The following EYS variants were observed in gnomAD, a reference collection of about 807,000 sequenced individuals.
EYS encodes protein eyes shut homolog.
EYS carries 250 observed loss-of-function variants against 282.1 expected under a neutral mutation model. The ratio of observed to expected loss-of-function variants is 0.89; its 90% CI spans 0.80 to 0.98. EYS has a LOEUF of 0.98. Among genes scored for constraint, EYS ranks in the 50% least tolerant of loss-of-function variants. The probability of loss-of-function intolerance (pLI) is 0.00; values close to 1 mark genes in which losing one functional copy is unlikely to be tolerated. For synonymous variants in EYS, 1,355 were observed against 1,282.9 expected, an observed-to-expected ratio of 1.06 and a Z score of -1.20; for missense variants, 4,016 against 3,709.0, an observed-to-expected ratio of 1.08 and a Z score of -2.15.
At chr6:65,139,591 A>G (rs1391964002) in intron 12 of EYS, among the ~76,000 whole-genome samples, 1 of 152,064 alleles carries the variant, frequency 6.6e-6, no homozygotes, top group Non-Finnish European at 1.5e-5. Flanking sequence ...TAAAATAAAC[A>G]TTTAAACAAA....
chr6:63,779,862 A>G (rs993404898), intron 39 of EYS, among the ~76,000 whole-genome samples: 2 of 151,480 alleles, frequency 1.3e-5, no homozygotes, highest in African/African-American at 4.9e-5. Flanking sequence ...CTCGTCATTT[A>G]CATTAGGTAT....
chr6:65,012,554 ACT>A (rs1771907157), intron 13 of EYS, among the ~76,000 whole-genome samples: 1 of 152,140 alleles, frequency 6.6e-6, no homozygotes, highest in Non-Finnish European at 1.5e-5. Context: ...TAACACAAAG[ACT>A]TAGGATAAGG....
At chr6:65,226,615 AG>A (rs1205749839) in intron 12 of EYS, among the ~76,000 whole-genome samples, 1 of 152,224 alleles carries the variant, frequency 6.6e-6, no homozygotes, top group Non-Finnish European at 1.5e-5. Flanking sequence ...TAAAAACCTG[AG>A]AAAAAACAAG....
chr6:65,417,093 TAAAC>T (rs1164070656), intron 5 of EYS, among the ~76,000 whole-genome samples: 3 of 152,004 alleles, frequency 2.0e-5, no homozygotes, highest in Admixed American at 6.6e-5. Context: ...GCATTTCAGA[TAAAC>T]AAAATAATTA....
At chr6:65,072,683 T>C (rs769286745) in intron 12 of EYS, among the ~76,000 whole-genome samples, 32 of 151,518 alleles carry the variant, frequency 2.1e-4, no homozygotes, top group Non-Finnish European at 4.3e-4. Context: ...AAAATACCAA[T>C]TAGAATACTC....
intron 30 of EYS, among the ~76,000 whole-genome samples, chr6:64,303,087 C>A (rs1300526297): frequency 6.6e-6 from 1 of 152,164 alleles, no homozygotes; most frequent in Non-Finnish European, 1.5e-5. Flanking sequence ...ATCATTCACT[C>A]CAGGTAATGT....
chr6:65,179,027 C>T (rs1765301901), intron 12 of EYS, among the ~76,000 whole-genome samples: 1 of 152,014 alleles, frequency 6.6e-6, no homozygotes, highest in South Asian at 2.1e-4. Flanking sequence ...AACAAAGACA[C>T]AACATACCAG....
intron 18 of EYS, among the ~76,000 whole-genome samples, chr6:64,893,078 A>C (rs1162631120): frequency 6.6e-6 from 1 of 152,052 alleles, no homozygotes; most frequent in Non-Finnish European, 1.5e-5. Flanking sequence ...ATTTAGTTGT[A>C]AATTTTCAGT....
intron 19 of EYS, among the ~76,000 whole-genome samples, chr6:64,835,620 A>G (rs1177328730): frequency 6.6e-6 from 1 of 151,646 alleles, no homozygotes; most frequent in Non-Finnish European, 1.5e-5. Flanking sequence ...TTGTGTCCTT[A>G]TTTTACATAG....
intron 35 of EYS, among the ~76,000 whole-genome samples, chr6:63,900,228 A>C (rs1393556673): frequency 6.6e-6 from 1 of 152,196 alleles, no homozygotes. Context: ...CAGAATAATA[A>C]CAATAAAAAT....
At chr6:63,980,669 T>G (rs957442436) in intron 35 of EYS, among the ~76,000 whole-genome samples, 1 of 151,836 alleles carries the variant, frequency 6.6e-6, no homozygotes, top group African/African-American at 2.4e-5. Flanking sequence ...GATCTGCTAT[T>G]TTGAAAGCTG....
chr6:64,289,761 A>G (rs1235076143), intron 30 of EYS, among the ~76,000 whole-genome samples: 1 of 152,076 alleles, frequency 6.6e-6, no homozygotes, highest in Non-Finnish European at 1.5e-5. Context: ...AAATGAATGA[A>G]TGAATGAATG....
At chr6:65,285,216 G>A (rs931793495) in intron 12 of EYS, among the ~76,000 whole-genome samples, 1 of 151,862 alleles carries the variant, frequency 6.6e-6, no homozygotes, top group Non-Finnish European at 1.5e-5. Context: ...TACATTTTGT[G>A]GCCTAATTAT....
intron 35 of EYS, among the ~76,000 whole-genome samples, chr6:63,914,704 T>C (rs2149739929): frequency 8.2e-6 from 1 of 122,344 alleles, no homozygotes; most frequent in Admixed American, 8.5e-5. Context: ...CAAGACCCTG[T>C]CTCAACCGTC....
At chr6:64,296,576 ATATATATACATATATATATATATT>A (rs1561913723) in intron 30 of EYS, among the ~76,000 whole-genome samples, 15 of 5,782 alleles carry the variant, frequency 2.6e-3, no homozygotes, top group African/African-American at 0.013. Context: ...ATATATATAT[ATATATATACATATATATATATATT>A]TTTTTTTTTT....
intron 1 of EYS, among the ~76,000 whole-genome samples, chr6:65,703,834 T>G (rs1334039333): frequency 6.6e-6 from 1 of 152,140 alleles, no homozygotes; most frequent in Non-Finnish European, 1.5e-5. Context: ...AATGAATTGT[T>G]TCTGAAAATT....
chr6:64,517,973 C>T (rs931881869), intron 26 of EYS, among the ~76,000 whole-genome samples: 2 of 151,774 alleles, frequency 1.3e-5, no homozygotes, highest in Non-Finnish European at 2.9e-5. Context: ...AGGTGTCCTC[C>T]AAAGGTTACT....
chr6:64,879,209 A>G (rs1313337221), intron 19 of EYS, among the ~76,000 whole-genome samples: 3 of 152,180 alleles, frequency 2.0e-5, no homozygotes, highest in South Asian at 2.1e-4. Context: ...TTTCCTATGA[A>G]GGGGAAAAGA....
chr6:64,650,309 T>G (rs868449354), intron 22 of EYS, among the ~76,000 whole-genome samples: 6 of 151,972 alleles, frequency 3.9e-5, no homozygotes, highest in Middle Eastern at 3.4e-3. Flanking sequence ...ATTATATTAA[T>G]AAAAGTGGTA....
Sources: allele counts gnomAD v4.1 joint callset (sites outside exome capture counted in the v4.1 genomes callset), GRCh38; gene constraint gnomAD v4.1.1; transcripts MANE v1.5; gene names NCBI Gene and HGNC (gene_info 2026-07-23, HGNC 2026-07-21).